The following PLXDC2 variants were observed in gnomAD, a reference collection of about 807,000 sequenced individuals.
The protein encoded by PLXDC2 is plexin domain-containing protein 2.
A neutral mutation model predicts 68.9 loss-of-function variants in PLXDC2; 40 were observed. The ratio of observed to expected loss-of-function variants is 0.58; its 90% confidence interval spans 0.45 to 0.76. The LOEUF (loss-of-function observed/expected upper bound fraction) is 0.76, where lower values mean the gene tolerates loss of function less well. Ranked by LOEUF, PLXDC2 falls within the 30% of genes least tolerant of loss-of-function variation. The probability of loss-of-function intolerance (pLI) is 0.00; values close to 1 mark genes in which losing one functional copy is unlikely to be tolerated. For synonymous variants in PLXDC2, 243 were observed against 234.2 expected, an observed-to-expected ratio of 1.04 and a Z score of -0.34; for missense variants, 644 against 661.9, an observed-to-expected ratio of 0.97 and a Z score of 0.30.
At chr10:20,193,043 A>T (rs996612293) in intron 9 of PLXDC2, among the ~76,000 whole-genome samples, 4 of 152,166 alleles carry the variant, frequency 2.6e-5, no homozygotes, top group South Asian at 2.1e-4. Flanking sequence ...CCCATAAATT[A>T]TATGGCCCCC....
At chr10:20,180,380 T>C (rs1834587065) in intron 9 of PLXDC2, among the ~76,000 whole-genome samples, 1 of 152,098 alleles carries the variant, frequency 6.6e-6, no homozygotes, top group Non-Finnish European at 1.5e-5. Flanking sequence ...CTATGCCTCA[T>C]TGCACTTTTG....
chr10:20,153,825 G>A (rs1380956287), intron 6 of PLXDC2, among the ~76,000 whole-genome samples: 1 of 152,146 alleles, frequency 6.6e-6, no homozygotes, highest in African/African-American at 2.4e-5. Flanking sequence ...CCTAGCTACT[G>A]TACCAGAATG....
chr10:20,182,625 C>T (rs749737832), intron 9 of PLXDC2, among the ~76,000 whole-genome samples: 1 of 151,546 alleles, frequency 6.6e-6, no homozygotes, highest in Non-Finnish European at 1.5e-5. Context: ...AAATAAGTAA[C>T]TTTAAAAGGG....
intron 1 of PLXDC2, among the ~76,000 whole-genome samples, chr10:19,926,504 T>C (rs1833538725): frequency 6.6e-6 from 1 of 152,212 alleles, no homozygotes; most frequent in Non-Finnish European, 1.5e-5. Flanking sequence ...TATGTTCATC[T>C]TGCCTGAGAA....
intron 1 of PLXDC2, among the ~76,000 whole-genome samples, chr10:19,916,734 T>A (rs1331860658): frequency 2.6e-5 from 4 of 152,144 alleles, no homozygotes; most frequent in African/African-American, 7.2e-5. Flanking sequence ...TCCCCATAGA[T>A]CTGTGGATTA....
chr10:20,176,569 T>C (rs374184558), intron 7 of PLXDC2, among the ~76,000 whole-genome samples: 1 of 152,202 alleles, frequency 6.6e-6, no homozygotes, highest in African/African-American at 2.4e-5. Flanking sequence ...GCAATCACAT[T>C]GTTATTCTCC....
chr10:20,132,399 T>G (rs138995372), intron 4 of PLXDC2, among the ~76,000 whole-genome samples: 153 of 152,336 alleles, frequency 1.0e-3, no homozygotes, highest in African/African-American at 3.5e-3. Context: ...TGTATACTTA[T>G]GGATTGTTTT....
At chr10:20,277,382 T>A (rs1325729205) in intron 13 of PLXDC2, among the ~76,000 whole-genome samples, 1 of 152,018 alleles carries the variant, frequency 6.6e-6, no homozygotes, top group Non-Finnish European at 1.5e-5. Context: ...GGGACAAGGA[T>A]CAGAAAAACC....
intron 1 of PLXDC2, among the ~76,000 whole-genome samples, chr10:19,977,460 G>A (rs1262678561): frequency 1.3e-5 from 2 of 152,144 alleles, no homozygotes; most frequent in Non-Finnish European, 2.9e-5. Context: ...CTGGGGGAGG[G>A]GGCAGAGGGC....
intron 1 of PLXDC2, among the ~76,000 whole-genome samples, chr10:19,855,814 G>T (rs555498780): frequency 1.3e-5 from 2 of 152,150 alleles, no homozygotes; most frequent in African/African-American, 2.4e-5. Context: ...GGCCGGGCTC[G>T]GTGGCTCACG....
intron 1 of PLXDC2, among the ~76,000 whole-genome samples, chr10:19,966,818 T>G (rs2148302): frequency 7.0e-6 from 1 of 141,924 alleles, no homozygotes; most frequent in Non-Finnish European, 1.6e-5. Context: ...ATTTTTTTTT[T>G]CCCCCAGCAT....
At chr10:20,115,324 A>C (rs1186949461) in intron 4 of PLXDC2, among the ~76,000 whole-genome samples, 1 of 152,170 alleles carries the variant, frequency 6.6e-6, no homozygotes, top group African/African-American at 2.4e-5. Flanking sequence ...GTCTGGGCTG[A>C]GTGTGGGGCA....
intron 4 of PLXDC2, among the ~76,000 whole-genome samples, chr10:20,098,346 C>CGTGTGTGTGTGTGTGTGTGTGTGTGTGT (rs762519549): frequency 9.7e-6 from 1 of 103,060 alleles, no homozygotes; most frequent in Non-Finnish European, 2.1e-5. Flanking sequence ...CATTTTCGTG[C>CGTGTGTGTGTGTGTGTGTGTGTGTGTGT]GTGTGTGTGT....
chr10:20,200,874 T>A (rs1395682137), intron 9 of PLXDC2, among the ~76,000 whole-genome samples: 1 of 151,958 alleles, frequency 6.6e-6, no homozygotes, highest in African/African-American at 2.4e-5. Context: ...AGATAAAAAG[T>A]AACAAATGCT....
chr10:20,211,628 T>C, intron 9 of PLXDC2, 41 bp from the exon 10 acceptor site: 1 of 1,598,698 alleles, frequency 6.3e-7, no homozygotes, highest in African/African-American at 1.3e-5. Context: ...CCCTGCACCC[T>C]ATCCTTCCTT....
At chr10:20,010,338 C>T (rs1835091207) in intron 2 of PLXDC2, among the ~76,000 whole-genome samples, 1 of 152,138 alleles carries the variant, frequency 6.6e-6, no homozygotes, top group Non-Finnish European at 1.5e-5. Flanking sequence ...TTTCTTTTAG[C>T]ATATTGATGA....
At position 20,279,891 on chromosome 10, in the gene PLXDC2, GACAA is replaced by G. The variant is rs1836059000; in HGVS notation, c.*84_*87del. On this transcript the variant is annotated 3_prime_UTR_variant, in exon 14 of 14. Coordinates refer to ENST00000377252, the MANE Select transcript of PLXDC2 (RefSeq NM_032812.9). ...ACTAAAATTTTGCCTATACCTTTAA[GACAA>G]ACAAACAAACACACACACAAACAAG... The G allele has an allele frequency of 1.4e-5, 16 of 1,163,038 alleles. No homozygotes were observed. Among genetic ancestry groups the G allele is most frequent in the Non-Finnish European group, 1.8e-5 (14 of 780,274 alleles). 72.0% of individuals were successfully genotyped at this position (1,163,038 alleles called of 1,614,324 possible).
intron 1 of PLXDC2, among the ~76,000 whole-genome samples, chr10:19,997,796 G>A (rs924161834): frequency 3.3e-5 from 5 of 152,154 alleles, no homozygotes; most frequent in East Asian, 1.9e-4. Context: ...TTAACTGAAC[G>A]TTGTGGGGTT....
chr10:20,107,017 A>G (rs1305559919), intron 4 of PLXDC2, among the ~76,000 whole-genome samples: 1 of 149,130 alleles, frequency 6.7e-6, no homozygotes, highest in East Asian at 1.9e-4. Context: ...TAGTGTATAC[A>G]TATATATACA....
Sources: allele counts gnomAD v4.1 joint callset (sites outside exome capture counted in the v4.1 genomes callset), GRCh38; gene constraint gnomAD v4.1.1; transcripts MANE v1.5; gene names NCBI Gene and HGNC (gene_info 2026-07-23, HGNC 2026-07-21).